The following HDAC8 variants were observed in gnomAD, a reference collection of about 807,000 sequenced individuals.
The protein encoded by HDAC8 is histone deacetylase 8.
A neutral mutation model predicts 32.2 loss-of-function variants in HDAC8; 1 was observed. That is an observed-to-expected ratio of 0.03 (90% CI 0.01 to 0.15). The LOEUF (loss-of-function observed/expected upper bound fraction) is 0.15, where lower values mean the gene tolerates loss of function less well. Among genes scored for constraint, HDAC8 ranks in the 10% least tolerant of loss-of-function variants. The pLI is 1.00. For synonymous variants in HDAC8, 108 were observed against 113.9 expected (o/e 0.95, Z 0.33); for missense variants, 117 against 300.0 (o/e 0.39, Z 4.51).
chrX:72,454,021 C>T (rs1387732209), intron 9 of HDAC8, among the ~76,000 whole-genome samples: 2 of 111,780 alleles, frequency 1.8e-5, no homozygotes, highest in African/African-American at 6.5e-5. Context: ...TGCTAGCAGA[C>T]CTACGGTATA....
chrX:72,435,913 A>G (rs2046937189), intron 9 of HDAC8, among the ~76,000 whole-genome samples: 1 of 111,762 alleles, frequency 8.9e-6, no homozygotes, highest in South Asian at 3.8e-4. Context: ...GGTTGCAGTG[A>G]GCCAAGATTG....
intron 9 of HDAC8, among the ~76,000 whole-genome samples, chrX:72,398,707 AGATG>A (rs1194292910): frequency 9.1e-6 from 1 of 109,522 alleles, no homozygotes; most frequent in East Asian, 2.8e-4. Context: ...TGAGTACTAA[AGATG>A]TTCTTCCACT....
chrX:72,468,018 G>C, intron 7 of HDAC8: 1 of 1,186,924 alleles, frequency 8.4e-7, no homozygotes, highest in Non-Finnish European at 1.1e-6. Flanking sequence ...GGCTCTGGAT[G>C]GGTATTGAAA....
intron 9 of HDAC8, among the ~76,000 whole-genome samples, chrX:72,353,107 T>C (rs2044229988): frequency 8.9e-6 from 1 of 111,923 alleles, no homozygotes; most frequent in African/African-American, 3.2e-5. Context: ...TCAAAGAGCT[T>C]CTTAAAAATA....
chrX:72,568,567 TAACCCTTC>T (rs1209647809), intron 3 of HDAC8, among the ~76,000 whole-genome samples, 179 bp downstream of exon 3: 1 of 112,835 alleles, frequency 8.9e-6, no homozygotes, highest in African/African-American at 3.2e-5. Context: ...TTCTTTCATC[TAACCCTTC>T]ATGTGGTTTT....
At chrX:72,532,988 G>A (rs1297491614) in intron 4 of HDAC8, among the ~76,000 whole-genome samples, 1 of 111,802 alleles carries the variant, frequency 8.9e-6, no homozygotes, top group Non-Finnish European at 1.9e-5. Context: ...GAGTTTTATA[G>A]TTTTAGTTCT....
At chrX:72,545,775 G>A (rs1334985149) in intron 4 of HDAC8, among the ~76,000 whole-genome samples, 1 of 112,168 alleles carries the variant, frequency 8.9e-6, no homozygotes, top group Non-Finnish European at 1.9e-5. Flanking sequence ...GTCTAGTGAT[G>A]TGCCTGTTCT....
At chrX:72,415,524 T>A (rs1209566809) in intron 9 of HDAC8, among the ~76,000 whole-genome samples, 1 of 112,330 alleles carries the variant, frequency 8.9e-6, no homozygotes, top group African/African-American at 3.2e-5. Context: ...TGGAGAGAAC[T>A]GAAATCTTTA....
chrX:72,559,415 C>T (rs782638790), intron 4 of HDAC8, among the ~76,000 whole-genome samples: 2 of 110,614 alleles, frequency 1.8e-5, no homozygotes, highest in East Asian at 2.9e-4. Context: ...GATCTCTGCT[C>T]GCTACAACCT....
At chrX:72,543,360 C>T (rs149271234) in intron 4 of HDAC8, among the ~76,000 whole-genome samples, 6,440 of 111,123 alleles carry the variant, frequency 0.058, 200 homozygotes, top group Non-Finnish European at 0.093. Flanking sequence ...TAGCATTCTC[C>T]GCCAGTACGT....
chrX:72,466,761 C>G (rs1299533557), intron 7 of HDAC8: 1 of 112,166 alleles, frequency 8.9e-6, no homozygotes, highest in Admixed American at 9.5e-5. Context: ...GGAACTTGTA[C>G]ATGAATGTTC....
intron 4 of HDAC8, among the ~76,000 whole-genome samples, chrX:72,560,648 G>T (rs1024363767): frequency 3.2e-4 from 34 of 106,772 alleles, no homozygotes; most frequent in Non-Finnish European, 5.6e-4. Context: ...AAAGTATTCA[G>T]TATTTCGCCA....
At chrX:72,445,871 G>A (rs2047375255) in intron 9 of HDAC8, among the ~76,000 whole-genome samples, 3 of 111,927 alleles carry the variant, frequency 2.7e-5, no homozygotes, top group Admixed American at 1.9e-4. Context: ...AAAAGTGGGT[G>A]AAGGATATGA....
chrX:72,532,492 TA>T (rs1230294935), intron 4 of HDAC8, among the ~76,000 whole-genome samples: 8 of 103,246 alleles, frequency 7.7e-5, no homozygotes, highest in African/African-American at 2.1e-4. Flanking sequence ...TTTTTTTTTT[TA>T]AATTAGAGAC....
chrX:72,416,156 C>G lies in HDAC8; in HGVS notation c.1005+45848G>C, dbSNP rs1002556020. On this transcript the variant is annotated intron_variant, in intron 9 of 10. Coordinates refer to ENST00000373573, the MANE Select transcript of HDAC8 (RefSeq NM_018486.3). ...GAATTCTTCAGTGAAATCATCTAGG[C>G]TTGGAGAGTTCATTTATTGAGGAGT... Among the ~76,000 whole-genome samples, 38 of 110,752 alleles carry G rather than the reference C, an allele frequency of 3.4e-4. 1 individual carries two copies. Among genetic ancestry groups the G allele is most frequent in the African/African-American group, 1.1e-3 (35 of 30,583 alleles).
At chrX:72,413,232 A>C (rs1358892289) in intron 9 of HDAC8, among the ~76,000 whole-genome samples, 1 of 107,976 alleles carries the variant, frequency 9.3e-6, no homozygotes, top group Non-Finnish European at 1.9e-5. Flanking sequence ...TCATCATTTA[A>C]CATTAAGTAT....
chrX:72,474,186 C>T lies in HDAC8; in HGVS notation c.738-9455G>A, dbSNP rs1206368734. On this transcript the variant is annotated intron_variant, in intron 7 of 10. Transcript: ENST00000373573. ...GTTACCTCCTCAATTACGCCTTTTT[C>T]TGAAGTATTTTCTCTCTTTGAATAC... 2.0e-5 allele frequency: 15 copies of T among 750,300 alleles called. No homozygotes were observed. The African/African-American group carries it at 2.8e-4, about 14-fold the overall frequency. 61.8% of individuals were successfully genotyped at this position (750,300 alleles called of 1,213,427 possible).
chrX:72,449,344 C>T (rs1035801175), intron 9 of HDAC8, among the ~76,000 whole-genome samples: 7 of 111,191 alleles, frequency 6.3e-5, no homozygotes, highest in East Asian at 5.7e-4. Context: ...AACCAAACAC[C>T]GCATGTTCTC....
intron 7 of HDAC8, among the ~76,000 whole-genome samples, chrX:72,470,564 T>C (rs1288495832): frequency 9.0e-6 from 1 of 111,667 alleles, no homozygotes; most frequent in Non-Finnish European, 1.9e-5. Flanking sequence ...AAGTTAAAAG[T>C]CGCCCATCTA....
Sources: allele counts gnomAD v4.1 joint callset (sites outside exome capture counted in the v4.1 genomes callset), GRCh38; gene constraint gnomAD v4.1.1; transcripts MANE v1.5; gene names NCBI Gene and HGNC (gene_info 2026-07-23, HGNC 2026-07-21).